TIMP2: variants seen among roughly 807,000 people sequenced by gnomAD.
TIMP2 encodes TIMP metallopeptidase inhibitor 2.
Under a neutral mutation model 24.3 loss-of-function variants are expected in TIMP2, and 5 were observed. The ratio of observed to expected loss-of-function variants is 0.21; its 90% CI spans 0.11 to 0.43. TIMP2 has a LOEUF of 0.43. Among genes scored for constraint, TIMP2 ranks in the 20% least tolerant of loss-of-function variants. The pLI is 1.00. For missense variants in TIMP2, 221 were observed against 297.5 expected (o/e 0.74, Z 1.89); for synonymous variants, 130 against 123.2 (o/e 1.06, Z -0.37).
Position 78,883,634 on chromosome 17 carries a change from G to A in TIMP2, c.131-9715C>T, listed in dbSNP as rs570335320. Among the ~76,000 whole-genome samples, 588 of 152,280 alleles carry A rather than the reference G, an allele frequency of 3.9e-3. 16 individuals carry two copies. Among genetic ancestry groups the A allele is most frequent in the Admixed American group, 0.037 (563 of 15,300 alleles). ...CCGCCCCAGGGAATGCTCCCTCCCC[G>A]GCTGCCTGAGATTCTAGTGCACGTG... On this transcript the variant is annotated intron_variant, in intron 1 of 4. Transcript: ENST00000262768.
chr17:78,873,578 C>T (rs530154647), intron 2 of TIMP2, among the ~76,000 whole-genome samples: 2 of 152,346 alleles, frequency 1.3e-5, no homozygotes, highest in East Asian at 3.9e-4. Context: ...CAGGTGTGAG[C>T]CGCAACGCCC....
At chr17:78,918,757 G>A (rs1345322940) in intron 1 of TIMP2, among the ~76,000 whole-genome samples, 1 of 152,142 alleles carries the variant, frequency 6.6e-6, no homozygotes, top group Non-Finnish European at 1.5e-5. Flanking sequence ...CCAGCACTTT[G>A]GGAGGCCAAG....
chr17:78,854,921 C>CGGGGGGGGGGGGT lies in TIMP2; in HGVS notation c.*745_*746insACCCCCCCCCCCC, dbSNP rs2069511678. 2.6e-5 allele frequency: 1 copy of CGGGGGGGGGGGGT among 39,090 alleles called. No individual in the cohort carries two copies. The allele number at this position is 39,090 out of a possible 1,614,324, so 2.4% of individuals were successfully genotyped here. On this transcript the variant is annotated 3_prime_UTR_variant, in exon 5 of 5. Transcript: ENST00000262768. ...TCCTGCAAGCTGGGGAGCATGTGGG[C>CGGGGGGGGGGGGT]GGGGGGGGGGGGGTGGGGGGGTGGG...
At chr17:78,873,425 C>T (rs2069702801) in intron 2 of TIMP2, among the ~76,000 whole-genome samples, 2 of 152,134 alleles carry the variant, frequency 1.3e-5, no homozygotes, top group Non-Finnish European at 2.9e-5. Context: ...CTCAGCCTCC[C>T]GAATAGCTGG....
rs553874721 is a variant in TIMP2 at position 78,920,074 on chromosome 17, G to A, written c.130+4885C>T. 4.6e-5 allele frequency among the ~76,000 whole-genome samples: 7 copies of A among 152,222 alleles called. No individual in the cohort carries two copies. In the South Asian group the frequency reaches 6.2e-4, roughly 14 times the overall value. Reference sequence around the variant, plus strand: ...TCGGGCAGACCTCTTTGTTGTTTCCGAACCCAAGACGTTCACCCCTACACA... The same window carrying A: ...TCGGGCAGACCTCTTTGTTGTTTCCAAACCCAAGACGTTCACCCCTACACA... On this transcript the variant is annotated intron_variant, in intron 1 of 4. Coordinates refer to ENST00000262768, the MANE Select transcript of TIMP2 (RefSeq NM_003255.5). This position sits in a 1 kb window ranked among gnomAD's most constrained non-coding sequence, Gnocchi z 4.5.
intron 1 of TIMP2, among the ~76,000 whole-genome samples, chr17:78,906,645 C>A (rs546156481): frequency 6.6e-6 from 1 of 151,792 alleles, no homozygotes; most frequent in Admixed American, 6.6e-5. Context: ...TACAGTGGTG[C>A]GATCTCGGCT....
At chr17:78,886,827 A>AG (rs1479522431) in intron 1 of TIMP2, among the ~76,000 whole-genome samples, 1 of 151,996 alleles carries the variant, frequency 6.6e-6, no homozygotes, top group African/African-American at 2.4e-5. Context: ...CAGGTTCAAG[A>AG]GATCATCCCA....
chr17:78,885,129 G>A (rs148398278), intron 1 of TIMP2, among the ~76,000 whole-genome samples: 120 of 152,362 alleles, frequency 7.9e-4, no homozygotes, highest in African/African-American at 2.4e-3. Context: ...CCAACAGGGC[G>A]ACCCACGCAC....
At position 78,874,487 on chromosome 17, in the gene TIMP2, C is replaced by T. The variant is rs559561290; in HGVS notation, c.131-568G>A. ...ACCTTAAAGGGGCCTTAAACGTACC[C>T]GGCATATTTAGCTTTGGGGGTCTTA... On this transcript the variant is annotated intron_variant, in intron 1 of 4. Coordinates refer to ENST00000262768, the MANE Select transcript of TIMP2 (RefSeq NM_003255.5). Among the ~76,000 whole-genome samples the T allele has an allele frequency of 1.4e-4, 21 of 152,270 alleles. No homozygotes were observed. In the South Asian group the frequency reaches 2.9e-3, roughly 21 times the overall value.
At chr17:78,901,389 G>C (rs2145784531) in intron 1 of TIMP2, 1 of 246,958 alleles carries the variant, frequency 4.0e-6, no homozygotes, top group African/African-American at 2.2e-5. Flanking sequence ...GAAGAACAAG[G>C]AGCAAATCTG....
At position 78,855,371 on chromosome 17, in the gene TIMP2, A is replaced by G. The variant is rs563087100; in HGVS notation, c.*296T>C. 11 of 451,958 alleles carry G rather than the reference A, an allele frequency of 2.4e-5. No homozygotes were observed. The highest frequency in any genetic ancestry group is 3.9e-5 in the African/African-American group (2 of 51,012). The allele number at this position is 451,958 out of a possible 1,614,324, so 28.0% of individuals were successfully genotyped here. A position where few individuals can be genotyped will look rare whatever the true frequency, so the allele number is the denominator to read the frequency against. On this transcript the variant is annotated 3_prime_UTR_variant, in exon 5 of 5. Coordinates refer to ENST00000262768, the MANE Select transcript of TIMP2 (RefSeq NM_003255.5). The surrounding 1 kb of genome is among the most constrained non-coding windows in gnomAD (Gnocchi z 6.0). ...CCTGCTTGGCATCTGTGACGGTGCC[A>G]AGGCAGGGACTGGGAGGGAAGCCGC...
intron 1 of TIMP2, among the ~76,000 whole-genome samples, chr17:78,911,590 G>A (rs1008901482): frequency 1.3e-5 from 2 of 151,934 alleles, no homozygotes; most frequent in African/African-American, 4.8e-5. Context: ...ACCATGCCCA[G>A]CTAATTTTAA....
intron 1 of TIMP2, chr17:78,892,060 A>G: frequency 6.4e-7 from 1 of 1,551,188 alleles, no homozygotes; most frequent in East Asian, 2.4e-5. Flanking sequence ...AGTCAGGCTC[A>G]TTTTCCCTGG....
At chr17:78,872,114 G>A (rs1391431365) in intron 2 of TIMP2, among the ~76,000 whole-genome samples, 1 of 150,130 alleles carries the variant, frequency 6.7e-6, no homozygotes, top group Admixed American at 6.7e-5. Context: ...TCAGCCTCCC[G>A]AGTAGCTGGG....
At chr17:78,885,232 G>A (rs1180134967) in intron 1 of TIMP2, among the ~76,000 whole-genome samples, 1 of 152,256 alleles carries the variant, frequency 6.6e-6, no homozygotes, top group Non-Finnish European at 1.5e-5. Context: ...GAGGACGAAG[G>A]TTCCAGCAAA....
In TIMP2 at chr17:78,890,875, C is replaced by T. The variant is rs562541959; in HGVS notation, c.131-16956G>A. 7.9e-5 allele frequency: 122 copies of T among 1,550,596 alleles called. No homozygotes were observed. In the African/African-American group the frequency reaches 1.5e-3, roughly 19 times the overall value. ...GGGCCAGTCGAGCTCTTCTTTGCTCCCTCCTCTCTTTTTCTAGCTCAGCTT... is the reference window on the plus strand; with the variant it reads ...GGGCCAGTCGAGCTCTTCTTTGCTCTCTCCTCTCTTTTTCTAGCTCAGCTT... On this transcript the variant is annotated intron_variant, in intron 1 of 4. Transcript: ENST00000262768.
At chr17:78,916,591 C>G (rs1333125408) in intron 1 of TIMP2, among the ~76,000 whole-genome samples, 1 of 152,198 alleles carries the variant, frequency 6.6e-6, no homozygotes, top group Non-Finnish European at 1.5e-5. Context: ...CCTTCCATCT[C>G]CTGGGTCTTC....
chr17:78,877,350 G>A (rs916925519), intron 1 of TIMP2, among the ~76,000 whole-genome samples: 2 of 152,128 alleles, frequency 1.3e-5, no homozygotes, highest in Admixed American at 6.6e-5. Context: ...AGGCCGAGGC[G>A]GGCGGATCAC....
intron 1 of TIMP2, chr17:78,922,481 A>T (rs944096890): frequency 6.6e-6 from 1 of 152,232 alleles, no homozygotes; most frequent in Non-Finnish European, 1.5e-5. Context: ...GTCATACTGG[A>T]TTAGGGTGGG....
Sources: gnomAD v4.1 joint callset for allele counts (sites outside exome capture counted in the v4.1 genomes callset) on GRCh38, gnomAD v4.1.1 for gene constraint, Gnocchi (gnomAD v3.1) non-coding constraint, MANE v1.5 for transcripts, NCBI Gene and HGNC (gene_info 2026-07-23, HGNC 2026-07-21) for gene names.